SMIM14: variants seen among roughly 807,000 people sequenced by gnomAD.
The protein encoded by SMIM14 is chromosome 4 open reading frame 34.
Under a neutral mutation model 12.6 loss-of-function variants are expected in SMIM14, and 5 were observed. The observed-to-expected ratio is 0.40, with a 90% confidence interval of 0.21 to 0.83. SMIM14 has a LOEUF of 0.83. Ranked by LOEUF, SMIM14 falls within the 40% of genes least tolerant of loss-of-function variation. SMIM14 has a pLI of 0.37. For synonymous variants in SMIM14, 30 were observed against 40.1 expected (o/e 0.75, Z 0.95); for missense variants, 86 against 119.1 (o/e 0.72, Z 1.29).
chr4:39,589,616 T>G (rs534710624), intron 2 of SMIM14: 2 of 152,296 alleles, frequency 1.3e-5, no homozygotes, highest in South Asian at 4.1e-4. Flanking sequence ...AGAAACTATA[T>G]GCCAAGTGAC....
chr4:39,631,984 CAAAAG>C (rs1479045536), intron 1 of SMIM14, among the ~76,000 whole-genome samples: 1 of 150,840 alleles, frequency 6.6e-6, no homozygotes, highest in East Asian at 1.9e-4. Flanking sequence ...TTCTCCAAAA[CAAAAG>C]AACAGAGGTC....
intron 2 of SMIM14, among the ~76,000 whole-genome samples, chr4:39,591,776 G>A: frequency 6.6e-6 from 1 of 151,994 alleles, no homozygotes; most frequent in East Asian, 1.9e-4. Context: ...ATGTTGGCCA[G>A]GTTGGTCTCA....
intron 2 of SMIM14, among the ~76,000 whole-genome samples, chr4:39,584,980 G>T (rs1301647179): frequency 6.6e-6 from 1 of 151,758 alleles, no homozygotes; most frequent in Non-Finnish European, 1.5e-5. Context: ...GCTCTACAAA[G>T]CACATTCTGA....
intron 2 of SMIM14, among the ~76,000 whole-genome samples, chr4:39,598,810 TAA>T: frequency 6.6e-6 from 1 of 152,152 alleles, no homozygotes; most frequent in African/African-American, 2.4e-5. Context: ...TTCATCTTTC[TAA>T]AAAAGTCTCT....
intron 2 of SMIM14, chr4:39,592,658 G>A (rs1464970146): frequency 6.6e-6 from 1 of 151,852 alleles, no homozygotes; most frequent in African/African-American, 2.4e-5. Flanking sequence ...TGCATTTAAA[G>A]ATTTTCTTCT....
intron 2 of SMIM14, among the ~76,000 whole-genome samples, chr4:39,585,656 A>G (rs1248185083): frequency 6.6e-6 from 1 of 152,046 alleles, no homozygotes; most frequent in African/African-American, 2.4e-5. Flanking sequence ...GCTAAAAAGG[A>G]GCCTGACTTT....
At chr4:39,573,867 G>A (rs950404885) in intron 2 of SMIM14, among the ~76,000 whole-genome samples, 2 of 152,088 alleles carry the variant, frequency 1.3e-5, no homozygotes, top group African/African-American at 4.8e-5. Flanking sequence ...AGTTTTCAAT[G>A]TCTGTCTTTT....
intron 2 of SMIM14, among the ~76,000 whole-genome samples, chr4:39,573,963 C>G (rs1307865955): frequency 1.3e-5 from 2 of 151,984 alleles, no homozygotes; most frequent in African/African-American, 4.8e-5. Context: ...ATAAGCCATC[C>G]TTTTATAAGC....
rs193062345 is a variant in SMIM14 at position 39,583,426 on chromosome 4, G to A, written c.76-10963C>T. On this transcript the variant is annotated intron_variant, in intron 2 of 4. Coordinates refer to ENST00000295958, the MANE Select transcript of SMIM14 (RefSeq NM_174921.3). ...TATTCTAACTGGTTTTAAGTATTCC[G>A]ATAATCAGCTTCAGGTCATTCATTC... Among the ~76,000 whole-genome samples the A allele has an allele frequency of 9.4e-3, 1,436 of 152,072 alleles. 17 individuals are homozygous for A. Among genetic ancestry groups the A allele is most frequent in the South Asian group, 0.016 (79 of 4,820 alleles).
intron 3 of SMIM14, among the ~76,000 whole-genome samples, chr4:39,561,607 A>G (rs1262337239): frequency 1.3e-5 from 2 of 152,082 alleles, no homozygotes; most frequent in Non-Finnish European, 2.9e-5. Flanking sequence ...ATTTCTAGAC[A>G]AAGGATCCCT....
chr4:39,604,280 C>T (rs535623197), intron 2 of SMIM14, among the ~76,000 whole-genome samples: 2 of 152,044 alleles, frequency 1.3e-5, no homozygotes, highest in East Asian at 3.9e-4. Flanking sequence ...ATCACACCTG[C>T]ATTCCCAGCA....
chr4:39,598,341 A>G (rs1714458985), intron 2 of SMIM14, among the ~76,000 whole-genome samples: 1 of 152,194 alleles, frequency 6.6e-6, no homozygotes, highest in Non-Finnish European at 1.5e-5. Flanking sequence ...GTTTGTTCTG[A>G]AAAACAGTAA....
At position 39,581,958 on chromosome 4, in the gene SMIM14, G is replaced by A. The variant is rs187809462; in HGVS notation, c.76-9495C>T. Among the ~76,000 whole-genome samples, 24 of 150,078 alleles carry A rather than the reference G, an allele frequency of 1.6e-4. 1 individual carries two copies. In the East Asian group the frequency reaches 3.5e-3, roughly 22 times the overall value. Reference sequence around the variant, plus strand: ...ACGATCTCTGCTCACTGCAACCTCCGCCTCCTGGATTCAAGTGATTCTCCT... The same window carrying A: ...ACGATCTCTGCTCACTGCAACCTCCACCTCCTGGATTCAAGTGATTCTCCT... On this transcript the variant is annotated intron_variant, in intron 2 of 4. Transcript: ENST00000295958.
At chr4:39,619,192 AAT>A (rs1560306783) in intron 1 of SMIM14, among the ~76,000 whole-genome samples, 2 of 144,480 alleles carry the variant, frequency 1.4e-5, no homozygotes, top group African/African-American at 5.0e-5. Flanking sequence ...AATATAATTT[AAT>A]TTATTCTATA....
chr4:39,606,408 C>T (rs971545916), intron 1 of SMIM14, among the ~76,000 whole-genome samples: 6 of 150,908 alleles, frequency 4.0e-5, no homozygotes, highest in Admixed American at 1.3e-4. Flanking sequence ...TTTGGGAGGC[C>T]GAGGTGGGTG....
chr4:39,572,103 C>CTT (rs920329201), intron 3 of SMIM14, among the ~76,000 whole-genome samples: 3 of 150,578 alleles, frequency 2.0e-5, no homozygotes, highest in Non-Finnish European at 4.4e-5. Context: ...TGCACCCAGC[C>CTT]TTTTTTTTTC....
At chr4:39,587,719 T>C (rs1713857496) in intron 2 of SMIM14, among the ~76,000 whole-genome samples, 1 of 151,538 alleles carries the variant, frequency 6.6e-6, no homozygotes, top group African/African-American at 2.4e-5. Context: ...GCCATTGCCC[T>C]CCATCCTGGG....
chr4:39,591,511 T>C (rs1389227762), intron 2 of SMIM14, among the ~76,000 whole-genome samples: 1 of 152,152 alleles, frequency 6.6e-6, no homozygotes, highest in African/African-American at 2.4e-5. Context: ...CGGGCATTCT[T>C]TGTACTGCAA....
intron 1 of SMIM14, among the ~76,000 whole-genome samples, chr4:39,611,664 AAATAAT>A (rs1051976595): frequency 5.3e-5 from 8 of 152,126 alleles, no homozygotes; most frequent in African/African-American, 1.9e-4. Flanking sequence ...CTCCATCTAA[AAATAAT>A]AATAATAATT....
Sources: gnomAD v4.1 joint callset for allele counts (sites outside exome capture counted in the v4.1 genomes callset) on GRCh38, gnomAD v4.1.1 for gene constraint, MANE v1.5 for transcripts, NCBI Gene and HGNC (gene_info 2026-07-23, HGNC 2026-07-21) for gene names.